VPS35: variants seen among roughly 807,000 people sequenced by gnomAD.
The protein encoded by VPS35 is vacuolar protein sorting-associated protein 35.
Under a neutral mutation model 98.1 loss-of-function variants are expected in VPS35, and 21 were observed. The observed-to-expected ratio is 0.21, with a 90% confidence interval of 0.15 to 0.31. VPS35 has a LOEUF of 0.31. Ranked by LOEUF, VPS35 falls within the 10% of genes least tolerant of loss-of-function variation. The pLI is 1.00. For synonymous variants in VPS35, 268 were observed against 318.2 expected, an observed-to-expected ratio of 0.84 and a Z score of 1.68; for missense variants, 554 against 950.8, an observed-to-expected ratio of 0.58 and a Z score of 5.49.
chr16:46,663,950 A>T, intron 13 of VPS35, among the ~76,000 whole-genome samples: 1 of 132,040 alleles, frequency 7.6e-6, no homozygotes, highest in Non-Finnish European at 1.5e-5. Flanking sequence ...GCCCCGAGCA[A>T]ACCTCCCGCC....
intron 15 of VPS35, 49 bp downstream of exon 15, chr16:46,662,194 T>A: frequency 6.2e-7 from 1 of 1,613,636 alleles, no homozygotes; most frequent in Non-Finnish European, 8.5e-7. Flanking sequence ...TGACAACTGA[T>A]CCCTGTTATG....
chr16:46,677,285 T>C (rs780487440), intron 7 of VPS35, 30 bp downstream of exon 7: 1 of 1,594,026 alleles, frequency 6.3e-7, no homozygotes, highest in South Asian at 1.1e-5. Flanking sequence ...AAATAGGTCG[T>C]TTAAAAAAAA....
At chr16:46,682,378 A>G in intron 2 of VPS35, 3 of 540,530 alleles carry the variant, frequency 5.6e-6, no homozygotes, top group Non-Finnish European at 1.0e-5. Flanking sequence ...CATGATTCTT[A>G]GTAAGACTTA....
At chr16:46,679,891 AC>A (rs1966207569) in intron 5 of VPS35, among the ~76,000 whole-genome samples, 1 of 152,308 alleles carries the variant, frequency 6.6e-6, no homozygotes, top group South Asian at 2.1e-4. Flanking sequence ...ATATTAAAAA[AC>A]ATTAGAAATA....
At chr16:46,679,970 C>T (rs1966209131) in intron 5 of VPS35, among the ~76,000 whole-genome samples, 1 of 150,670 alleles carries the variant, frequency 6.6e-6, no homozygotes, top group Non-Finnish European at 1.5e-5. Flanking sequence ...TCTGTTGGGG[C>T]AAACTGAAAA....
At chr16:46,684,807 T>C (rs1596726326) in intron 1 of VPS35, among the ~76,000 whole-genome samples, 1 of 152,180 alleles carries the variant, frequency 6.6e-6, no homozygotes, top group Non-Finnish European at 1.5e-5. Flanking sequence ...GAATAATTAA[T>C]GGATGAATAA....
At chr16:46,678,421 G>T (rs911889170) in intron 6 of VPS35, among the ~76,000 whole-genome samples, 2 of 151,452 alleles carry the variant, frequency 1.3e-5, no homozygotes, top group Non-Finnish European at 2.9e-5. Flanking sequence ...CAAGCTTGTT[G>T]TACAGCACAT....
chr16:46,672,178 A>T (rs1371803000), intron 11 of VPS35, 87 bp downstream of exon 11: 6 of 1,140,320 alleles, frequency 5.3e-6, no homozygotes, highest in Non-Finnish European at 7.9e-6. Context: ...GTATTGAATT[A>T]CCCTCCCCTC....
intron 8 of VPS35, among the ~76,000 whole-genome samples, chr16:46,675,005 G>C (rs1966124828): frequency 2.1e-5 from 1 of 47,246 alleles, no homozygotes; most frequent in African/African-American, 4.7e-5. Context: ...TGTTGCCCAG[G>C]GTGGTACTGA....
At chr16:46,688,920 C>T (rs1211626191) in intron 1 of VPS35, 1 of 1,462,378 alleles carries the variant, frequency 6.8e-7, no homozygotes, top group Non-Finnish European at 9.0e-7. Context: ...CAGCAACGGC[C>T]GCAGCCAAGA....
rs1454274177 is a variant in VPS35, at chr16:46,658,392, A to G, written c.*2080T>C. On this transcript the variant is annotated 3_prime_UTR_variant, in exon 17 of 17. Transcript: ENST00000299138. The stretch of plus-strand genomic sequence containing the variant: ...TCACCTTTAGATTCAGTGCCTAACT[A>G]TATCTGGTACCCAGTTTTTGTTCAA... 4 of 153,756 alleles carry G rather than the reference A, an allele frequency of 2.6e-5. No homozygotes were observed. The highest frequency in any genetic ancestry group is 5.9e-5 in the Non-Finnish European group (4 of 68,034). The allele number at this position is 153,756 out of a possible 1,614,324, so 9.5% of individuals were successfully genotyped here. A position where few individuals can be genotyped will look rare whatever the true frequency, so the allele number is the denominator to read the frequency against.
At chr16:46,675,630 TTAAAAC>T (rs758611887) in intron 8 of VPS35, among the ~76,000 whole-genome samples, 15 of 152,324 alleles carry the variant, frequency 9.8e-5, no homozygotes, top group Non-Finnish European at 2.1e-4. Flanking sequence ...TTCTCAGACT[TTAAAAC>T]TAATAACTTA....
At chr16:46,673,004 T>C (rs1296468286) in intron 10 of VPS35, among the ~76,000 whole-genome samples, 3 of 152,212 alleles carry the variant, frequency 2.0e-5, no homozygotes, top group Admixed American at 2.0e-4. Context: ...TTGAGGCATA[T>C]TGGGGCATTT....
At chr16:46,683,961 C>T (rs1227749021) in intron 1 of VPS35, among the ~76,000 whole-genome samples, 3 of 152,136 alleles carry the variant, frequency 2.0e-5, no homozygotes, top group Non-Finnish European at 4.4e-5. Flanking sequence ...CTCCTGACCT[C>T]GTGATTCGCC....
At chr16:46,663,861 A>AGTTTTTTTTTTTT (rs1567262302) in intron 13 of VPS35, among the ~76,000 whole-genome samples, 1 of 19,448 alleles carries the variant, frequency 5.1e-5, no homozygotes, top group Non-Finnish European at 1.2e-4. Context: ...ACACCTGGCT[A>AGTTTTTTTTTTTT]ATTTTTTTTT....
intron 1 of VPS35, among the ~76,000 whole-genome samples, chr16:46,685,827 G>A (rs1159776440): frequency 2.0e-4 from 31 of 152,112 alleles, no homozygotes; most frequent in Non-Finnish European, 4.6e-4. Flanking sequence ...GAGATAAACA[G>A]TGATACATCT....
intron 1 of VPS35, among the ~76,000 whole-genome samples, chr16:46,683,881 C>T (rs935450473): frequency 6.6e-6 from 1 of 152,160 alleles, no homozygotes; most frequent in East Asian, 1.9e-4. Flanking sequence ...CCCATCACCA[C>T]ACCCGGCTAA....
At chr16:46,683,181 A>G in intron 2 of VPS35, 1 of 387,722 alleles carries the variant, frequency 2.6e-6, no homozygotes, top group South Asian at 2.6e-5. Flanking sequence ...TCTGAGGTAT[A>G]GAACCAAGGA....
At chr16:46,681,020 C>A (rs1596723643) in intron 4 of VPS35, among the ~76,000 whole-genome samples, 167 bp from the exon 5 acceptor site, 1 of 132,858 alleles carries the variant, frequency 7.5e-6, no homozygotes, top group Middle Eastern at 3.7e-3. Context: ...TGACTGACCT[C>A]TAAAAAAACT....
Sources: gnomAD v4.1 joint callset for allele counts (sites outside exome capture counted in the v4.1 genomes callset) on GRCh38, gnomAD v4.1.1 for gene constraint, MANE v1.5 for transcripts, NCBI Gene and HGNC (gene_info 2026-07-23, HGNC 2026-07-21) for gene names.